The following FER variants were observed in gnomAD, a reference collection of about 807,000 sequenced individuals.
FER encodes tyrosine-protein kinase Fer.
FER carries 63 observed loss-of-function variants against 111.0 expected under a neutral mutation model. The observed-to-expected ratio is 0.57, with a 90% CI of 0.46 to 0.70. The LOEUF is 0.70. FER is among the 30% of genes least tolerant of loss of function. The pLI, the probability that FER is intolerant of heterozygous loss-of-function variation, is 0.00. For missense variants in FER, 914 were observed against 954.0 expected (o/e 0.96, Z 0.55); for synonymous variants, 327 against 313.9 (o/e 1.04, Z -0.44).
intron 2 of FER, among the ~76,000 whole-genome samples, chr5:108,772,312 A>T (rs971749463): frequency 7.0e-6 from 1 of 141,958 alleles, no homozygotes; most frequent in Non-Finnish European, 1.5e-5. Context: ...TGCCATATAT[A>T]TATGTATGTA....
intron 17 of FER, among the ~76,000 whole-genome samples, chr5:109,121,832 A>G (rs1005496255): frequency 9.2e-5 from 14 of 151,978 alleles, no homozygotes; most frequent in East Asian, 5.8e-4. Flanking sequence ...GATAGGTTTT[A>G]TGTGTCTAGG....
intron 17 of FER, among the ~76,000 whole-genome samples, chr5:109,146,276 AT>A (rs1327768507): frequency 6.4e-5 from 4 of 62,408 alleles, no homozygotes; most frequent in Admixed American, 5.3e-4. Flanking sequence ...ATATATATAT[AT>A]ATATATATAT....
At chr5:108,922,706 A>G (rs1169532321) in intron 10 of FER, among the ~76,000 whole-genome samples, 1 of 152,216 alleles carries the variant, frequency 6.6e-6, no homozygotes, top group Non-Finnish European at 1.5e-5. Flanking sequence ...TTATTCTGGT[A>G]TAAAATTCAA....
intron 13 of FER, among the ~76,000 whole-genome samples, chr5:108,994,692 G>A (rs2149760094): frequency 6.6e-6 from 1 of 151,992 alleles, no homozygotes; most frequent in South Asian, 2.1e-4. Flanking sequence ...TTTATAAATT[G>A]CTTTGGGCAG....
At chr5:109,186,513 G>A (rs142094273) in intron 19 of FER, among the ~76,000 whole-genome samples, 191 bp downstream of exon 19, 179 of 152,260 alleles carry the variant, frequency 1.2e-3, no homozygotes, top group Non-Finnish European at 2.3e-3. Context: ...ATTTCAATGC[G>A]AGAGAGAGGT....
At chr5:108,749,372 C>A (rs1265293154) in intron 1 of FER, among the ~76,000 whole-genome samples, 1 of 151,988 alleles carries the variant, frequency 6.6e-6, no homozygotes, top group Non-Finnish European at 1.5e-5. Flanking sequence ...GTGGCTCCGC[C>A]CCGTCGCGGG....
At chr5:109,082,411 A>C (rs1777092319) in intron 16 of FER, among the ~76,000 whole-genome samples, 1 of 152,026 alleles carries the variant, frequency 6.6e-6, no homozygotes, top group South Asian at 2.1e-4. Flanking sequence ...GAAAACTGCT[A>C]TAGTCCATAA....
intron 3 of FER, chr5:108,820,313 T>C: frequency 2.0e-6 from 2 of 985,426 alleles, no homozygotes; most frequent in Non-Finnish European, 2.4e-6. Flanking sequence ...TGAAAGGGAC[T>C]GTGAAGGTAT....
chr5:108,882,699 G>A (rs1765797730), intron 8 of FER, among the ~76,000 whole-genome samples: 3 of 151,254 alleles, frequency 2.0e-5, no homozygotes, highest in Admixed American at 1.3e-4. Flanking sequence ...TTTGTCTTTT[G>A]GGTTTCATGT....
At chr5:108,891,708 A>C (rs554332764) in intron 9 of FER, among the ~76,000 whole-genome samples, 1 of 150,308 alleles carries the variant, frequency 6.7e-6, no homozygotes, top group Non-Finnish European at 1.5e-5. Context: ...GTACATGTGC[A>C]CAACGTGCAG....
intron 10 of FER, among the ~76,000 whole-genome samples, chr5:108,937,472 T>G (rs1273958887): frequency 6.6e-6 from 1 of 151,984 alleles, no homozygotes; most frequent in East Asian, 1.9e-4. Context: ...TAGACTTGGT[T>G]CAGGTGGTAA....
chr5:109,019,453 G>T (rs2149825724), intron 13 of FER, among the ~76,000 whole-genome samples: 1 of 151,880 alleles, frequency 6.6e-6, no homozygotes, highest in Non-Finnish European at 1.5e-5. Flanking sequence ...ATCATTATTA[G>T]TACTGTCAAA....
At chr5:108,806,637 G>A (rs1757240400) in intron 3 of FER, among the ~76,000 whole-genome samples, 1 of 152,170 alleles carries the variant, frequency 6.6e-6, no homozygotes, top group Non-Finnish European at 1.5e-5. Context: ...TGGAGTCAAA[G>A]GAGATCATTT....
intron 9 of FER, among the ~76,000 whole-genome samples, chr5:108,893,780 T>G (rs1748583652): frequency 1.3e-5 from 2 of 152,044 alleles, no homozygotes; most frequent in African/African-American, 4.8e-5. Flanking sequence ...GAGCTTGATC[T>G]TGGATGGTTC....
At chr5:108,889,971 C>G (rs1306754105) in intron 9 of FER, among the ~76,000 whole-genome samples, 5 of 151,812 alleles carry the variant, frequency 3.3e-5, no homozygotes, top group African/African-American at 1.2e-4. Context: ...ACTCAGTTTC[C>G]CTCAATGGTA....
chr5:108,894,323 G>A, intron 9 of FER: 1 of 897,964 alleles, frequency 1.1e-6, no homozygotes, highest in Non-Finnish European at 1.5e-6. Flanking sequence ...GAAAGAGGAA[G>A]GGGAAGAGGA....
chr5:108,801,421 G>C (rs1435986111), intron 3 of FER, among the ~76,000 whole-genome samples: 1 of 152,132 alleles, frequency 6.6e-6, no homozygotes, highest in African/African-American at 2.4e-5. Context: ...TCAAAGTCAG[G>C]TAGTGTACAG....
intron 13 of FER, among the ~76,000 whole-genome samples, chr5:109,008,082 G>T (rs1765727900): frequency 6.6e-6 from 1 of 151,940 alleles, no homozygotes; most frequent in Non-Finnish European, 1.5e-5. Context: ...TCTTCTTTGT[G>T]GGCACTTTTG....
intron 13 of FER, among the ~76,000 whole-genome samples, chr5:108,964,970 TAA>T (rs1283248256): frequency 3.3e-5 from 5 of 152,174 alleles, no homozygotes; most frequent in Admixed American, 2.6e-4. Flanking sequence ...TGAAAAGACA[TAA>T]GAGTGATCTT....
Sources: allele counts gnomAD v4.1 joint callset (sites outside exome capture counted in the v4.1 genomes callset), GRCh38; gene constraint gnomAD v4.1.1; transcripts MANE v1.5; gene names NCBI Gene and HGNC (gene_info 2026-07-23, HGNC 2026-07-21).